The following TNFRSF8 variants were observed in gnomAD, a reference collection of about 807,000 sequenced individuals.
TNFRSF8 encodes the protein tumor necrosis factor receptor superfamily member 8.
A neutral mutation model predicts 70.8 loss-of-function variants in TNFRSF8; 26 were observed. The ratio of observed to expected loss-of-function variants is 0.37; its 90% confidence interval spans 0.27 to 0.51. The LOEUF (loss-of-function observed/expected upper bound fraction) is 0.51, where lower values mean the gene tolerates loss of function less well. TNFRSF8 is among the 20% of genes least tolerant of loss of function. The pLI is 0.94. For synonymous variants in TNFRSF8, 356 were observed against 339.2 expected (o/e 1.05, Z -0.54); for missense variants, 720 against 807.9 (o/e 0.89, Z 1.32).
intron 1 of TNFRSF8, among the ~76,000 whole-genome samples, chr1:12,067,604 G>A (rs954928720): frequency 7.2e-5 from 11 of 151,904 alleles, no homozygotes; most frequent in African/African-American, 1.7e-4. Context: ...CAGGAGAATC[G>A]CTTGAAACCA....
chr1:12,075,223 G>A (rs962277378), intron 1 of TNFRSF8, among the ~76,000 whole-genome samples: 2 of 150,364 alleles, frequency 1.3e-5, no homozygotes, highest in African/African-American at 2.5e-5. Context: ...CAGCCTGGGC[G>A]ACAGAGTGAG....
At chr1:12,130,652 A>G (rs1205206953) in intron 12 of TNFRSF8, among the ~76,000 whole-genome samples, 1 of 152,246 alleles carries the variant, frequency 6.6e-6, no homozygotes, top group Non-Finnish European at 1.5e-5. Context: ...AGAGCTTTAC[A>G]TCGCATGTGA....
rs935044274 is a variant in TNFRSF8 at position 12,109,849 on chromosome 1, G to A, written c.513-192G>A. ...GAGGCCCTAGGGTGTGCCCAGCCCTGCCCTGAGCACATGGGAGACCCACAG... is the reference window on the plus strand; with the variant it reads ...GAGGCCCTAGGGTGTGCCCAGCCCTACCCTGAGCACATGGGAGACCCACAG... On this transcript the variant is annotated intron_variant, in intron 5 of 14. Coordinates refer to ENST00000263932, the MANE Select transcript of TNFRSF8 (RefSeq NM_001243.5). The surrounding 1 kb of genome is among the most constrained non-coding windows in gnomAD (Gnocchi z 4.4). Among the ~76,000 whole-genome samples, 17 of 152,178 alleles carry A rather than the reference G, an allele frequency of 1.1e-4. No individual in the cohort carries two copies. The highest frequency in any genetic ancestry group is 3.9e-4 in the African/African-American group (16 of 41,430).
Position 12,113,749 on chromosome 1 carries a change from A to AAG in TNFRSF8, c.793+1749_793+1750dup, listed in dbSNP as rs902586693. On this transcript the variant is annotated intron_variant, in intron 7 of 14. Coordinates refer to ENST00000263932, the MANE Select transcript of TNFRSF8 (RefSeq NM_001243.5). The surrounding 1 kb of genome is among the most constrained non-coding windows in gnomAD (Gnocchi z 4.9). ...AGTGTGACAGAGAGAAAGACAGAGA[A>AAG]AGAGAGAGAGAGAGACAGAAAGAGA... Among the ~76,000 whole-genome samples, 1 of 145,846 alleles carries AAG rather than the reference A, an allele frequency of 6.9e-6. No individual in the cohort carries two copies. Among genetic ancestry groups the AAG allele is most frequent in the South Asian group, 2.2e-4 (1 of 4,478 alleles).
In TNFRSF8 at chr1:12,123,437, G is replaced by A. The variant is rs1367024317; in HGVS notation, c.1040+60G>A. On this transcript the variant is annotated intron_variant, in intron 9 of 14. Transcript: ENST00000263932. The stretch of plus-strand genomic sequence containing the variant: ...TGCAGGAGGGAGCTGTCCCTGCCAT[G>A]CCCAGGGGATGCCTGGGAGGCAGCT... The A allele has an allele frequency of 3.4e-6, 5 of 1,477,224 alleles. No homozygotes were observed. In the African/African-American group the frequency reaches 7.0e-5, roughly 21 times the overall value. 91.5% of individuals were successfully genotyped at this position (1,477,224 alleles called of 1,614,324 possible).
chr1:12,102,075 T>C (rs771185012), intron 3 of TNFRSF8, among the ~76,000 whole-genome samples: 1 of 152,238 alleles, frequency 6.6e-6, no homozygotes, highest in Non-Finnish European at 1.5e-5. Flanking sequence ...TGTTTTGTTC[T>C]GTTTTCCCTC....
At chr1:12,105,026 C>G (rs1641495898) in intron 4 of TNFRSF8, among the ~76,000 whole-genome samples, 1 of 152,108 alleles carries the variant, frequency 6.6e-6, no homozygotes, top group African/African-American at 2.4e-5. Context: ...TTCTACTTCT[C>G]TGATAGTACA....
chr1:12,070,399 C>T (rs930931881), intron 1 of TNFRSF8, among the ~76,000 whole-genome samples: 10 of 152,124 alleles, frequency 6.6e-5, no homozygotes, highest in East Asian at 5.8e-4. Context: ...TACAGGCGCC[C>T]GCCACCACGC....
intron 1 of TNFRSF8, among the ~76,000 whole-genome samples, chr1:12,079,199 A>T (rs1641019918): frequency 6.6e-6 from 1 of 152,210 alleles, no homozygotes; most frequent in East Asian, 1.9e-4. Context: ...CTGGTCTTGT[A>T]GGGAAAACCA....
At chr1:12,073,115 C>T (rs1180674057) in intron 1 of TNFRSF8, among the ~76,000 whole-genome samples, 2 of 152,154 alleles carry the variant, frequency 1.3e-5, no homozygotes, top group Non-Finnish European at 2.9e-5. Flanking sequence ...AAAAATTAGC[C>T]GGGCATGGTG....
At chr1:12,126,433 G>A (rs1385635191) in intron 12 of TNFRSF8, among the ~76,000 whole-genome samples, 197 bp downstream of exon 12, 3 of 152,230 alleles carry the variant, frequency 2.0e-5, no homozygotes, top group Non-Finnish European at 4.4e-5. Flanking sequence ...GCAATGAGGT[G>A]AAGACTGTAC....
chr1:12,122,178 G>T (rs1641841104), intron 8 of TNFRSF8, among the ~76,000 whole-genome samples: 1 of 151,944 alleles, frequency 6.6e-6, no homozygotes, highest in Admixed American at 6.6e-5. Flanking sequence ...ACACACTTAG[G>T]GACATTTTCT....
In TNFRSF8 at chr1:12,109,129, C is replaced by T. The variant is rs746362671; in HGVS notation, c.422-437C>T. 6.6e-6 allele frequency among the ~76,000 whole-genome samples: 1 copy of T among 152,184 alleles called. No homozygotes were observed. Among genetic ancestry groups the T allele is most frequent in the Non-Finnish European group, 1.5e-5 (1 of 68,026 alleles). On this transcript the variant is annotated intron_variant, in intron 4 of 14. Transcript: ENST00000263932. The surrounding 1 kb of genome is among the most constrained non-coding windows in gnomAD (Gnocchi z 4.4). ...GATACTTACAAGCAGCTCTGCCCAG[C>T]GCCAGTGGGAAGACAGCTTCCCTTT...
In TNFRSF8 at chr1:12,123,798, C is replaced by T. The variant is rs1641879597; in HGVS notation, c.1124C>T (p.Ser375Phe). 1.3e-6 allele frequency: 2 copies of T among 1,574,846 alleles called. No individual in the cohort carries two copies. The highest frequency in any genetic ancestry group is 3.7e-5 in the Admixed American group (2 of 54,468). ...CCAACCAGCGCTCCCGTCGCTCTCT[C>T]CTCCACGGGGAAGCCCGTTCTGGAT... The part of the protein sequence containing the change: ...PIPTSAPVAL[S>F]STGKPVLDAG... The change falls in exon 10 of 15, where the codon TCC becomes TTC. Residue 375 changes from serine (S) to phenylalanine (F), a missense_variant. By Grantham distance (155) the Ser-to-Phe change is radical (BLOSUM62 -2). Coordinates refer to ENST00000263932, the MANE Select transcript of TNFRSF8 (RefSeq NM_001243.5).
intron 12 of TNFRSF8, 32 bp downstream of exon 12, chr1:12,126,268 G>A (rs1203211948): frequency 8.7e-6 from 14 of 1,613,744 alleles, no homozygotes; most frequent in South Asian, 6.6e-5. Context: ...GGGGCTGCCC[G>A]AGCCAGAGGA....
rs189658850 is a variant in TNFRSF8 at position 12,121,088 on chromosome 1, A to G, written c.947-2196A>G. On this transcript the variant is annotated intron_variant, in intron 8 of 14. Transcript: ENST00000263932. ...TAATGGGTTTGAGCATCAGAGCTCCAGTCCACTCAAAGTAAGTGTTCACTG... is the reference window on the plus strand; with the variant it reads ...TAATGGGTTTGAGCATCAGAGCTCCGGTCCACTCAAAGTAAGTGTTCACTG... Among the ~76,000 whole-genome samples, 323 of 152,338 alleles carry G rather than the reference A, an allele frequency of 2.1e-3. 2 individuals are homozygous for G. The highest frequency in any genetic ancestry group is 3.1e-3 in the Non-Finnish European group (208 of 68,022).
Position 12,138,249 on chromosome 1 carries a change from G to A in TNFRSF8, c.1356G>A (p.Ser452=), listed in dbSNP as rs1006794023. ...RSSTQLRSGA[S]VTEPVAEERG... ...CACAGCAGCTGAGGAGTGGTGCGTC[G>A]GTGACAGAACCCGTCGCGGAAGAGC... Residue 452 remains serine (S), a synonymous_variant, in exon 14 of 15, where the codon TCG becomes TCA. Transcript: ENST00000263932. The surrounding 1 kb of genome is among the most constrained non-coding windows in gnomAD (Gnocchi z 5.7). The A allele has an allele frequency of 1.3e-5, 21 of 1,613,596 alleles. No individual in the cohort carries two copies. The highest frequency in any genetic ancestry group is 1.7e-5 in the Admixed American group (1 of 60,016).
At chr1:12,122,983 C>T (rs1159838813) in intron 8 of TNFRSF8, among the ~76,000 whole-genome samples, 1 of 152,004 alleles carries the variant, frequency 6.6e-6, no homozygotes, top group African/African-American at 2.4e-5. Flanking sequence ...TGTGTGCCAT[C>T]ACACCTGGCT....
chr1:12,125,961 C>T lies in TNFRSF8; in HGVS notation c.1164C>T (p.Leu388=), dbSNP rs1468449010. 1.2e-6 allele frequency: 2 copies of T among 1,614,088 alleles called. No individual in the cohort carries two copies. Among genetic ancestry groups the T allele is most frequent in the South Asian group, 1.1e-5 (1 of 91,076 alleles). The change falls in exon 11 of 15, where the codon CTC becomes CTT. Residue 388 remains leucine, a synonymous_variant. Coordinates refer to ENST00000263932, the MANE Select transcript of TNFRSF8 (RefSeq NM_001243.5). ...GKPVLDAGPV[L]FWVILVLVVV... ...GTCTCTGTGTTCCAGGGCCAGTGCT[C>T]TTCTGGGTGATCCTGGTGTTGGTTG...
Sources: gnomAD v4.1 joint callset for allele counts (sites outside exome capture counted in the v4.1 genomes callset) on GRCh38, gnomAD v4.1.1 for gene constraint, Gnocchi (gnomAD v3.1) non-coding constraint, MANE v1.5 for transcripts, NCBI Gene and HGNC (gene_info 2026-07-23, HGNC 2026-07-21) for gene names.